The following RDX variants were observed in gnomAD, a reference collection of about 807,000 sequenced individuals.
RDX encodes the protein deafness, autosomal recessive 24.
In RDX, 32 loss-of-function variants were observed where a neutral mutation model predicts 83.7. That is an observed-to-expected ratio of 0.38 (90% CI 0.29 to 0.51). RDX has a LOEUF of 0.51. Ranked by LOEUF, RDX falls within the 20% of genes least tolerant of loss-of-function variation. RDX has a pLI of 0.87. For missense variants in RDX, 600 were observed against 689.9 expected, an observed-to-expected ratio of 0.87 and a Z score of 1.46; for synonymous variants, 229 against 222.7, an observed-to-expected ratio of 1.03 and a Z score of -0.25.
At chr11:110,216,603 C>T (rs1350129896) in intron 14 of RDX, among the ~76,000 whole-genome samples, 2 of 149,680 alleles carry the variant, frequency 1.3e-5, no homozygotes, top group South Asian at 2.1e-4. Flanking sequence ...GTCTCACATT[C>T]CTGGCGTCAA....
At chr11:110,270,100 T>TATGA (rs2134397808) in intron 3 of RDX, among the ~76,000 whole-genome samples, 1 of 152,200 alleles carries the variant, frequency 6.6e-6, no homozygotes, top group South Asian at 2.1e-4. Flanking sequence ...CCATTTACAA[T>TATGA]ATGAACTGTG....
At chr11:110,277,406 G>A (rs562636282) in intron 2 of RDX, among the ~76,000 whole-genome samples, 1 of 151,876 alleles carries the variant, frequency 6.6e-6, no homozygotes, top group Non-Finnish European at 1.5e-5. Flanking sequence ...TGCAACCTTC[G>A]CCTCCTGGAT....
intron 5 of RDX, among the ~76,000 whole-genome samples, chr11:110,262,925 G>T (rs1302703270): frequency 6.6e-6 from 1 of 152,142 alleles, no homozygotes; most frequent in Non-Finnish European, 1.5e-5. Context: ...CTGTAGATAA[G>T]AACAATGCAC....
chr11:110,268,376 C>A (rs1227678526), intron 3 of RDX, among the ~76,000 whole-genome samples: 1 of 150,288 alleles, frequency 6.7e-6, no homozygotes, highest in Non-Finnish European at 1.5e-5. Context: ...AAGTCTCATA[C>A]TGATAATGCA....
chr11:110,289,387 T>TA (rs1861119965), intron 1 of RDX, among the ~76,000 whole-genome samples: 1 of 152,184 alleles, frequency 6.6e-6, no homozygotes. Context: ...ATGATAACTG[T>TA]AATTACCATG....
At chr11:110,266,824 G>A (rs1465912473) in intron 3 of RDX, among the ~76,000 whole-genome samples, 2 of 152,104 alleles carry the variant, frequency 1.3e-5, no homozygotes, top group South Asian at 2.1e-4. Context: ...CTGGCCTCAA[G>A]TGATCCTCCC....
At chr11:110,267,196 G>A (rs1343700724) in intron 3 of RDX, among the ~76,000 whole-genome samples, 1 of 152,124 alleles carries the variant, frequency 6.6e-6, no homozygotes, top group Non-Finnish European at 1.5e-5. Context: ...GAGCCATCGT[G>A]CCCAGCCTGT....
At chr11:110,253,909 C>T (rs1280375835) in intron 9 of RDX, 37 bp downstream of exon 9, 2 of 1,593,978 alleles carry the variant, frequency 1.3e-6, no homozygotes, top group Non-Finnish European at 1.7e-6. Context: ...ATAGCCTACT[C>T]CTATCAATTA....
chr11:110,223,117 G>A (rs1284950492), intron 14 of RDX, among the ~76,000 whole-genome samples: 4 of 152,122 alleles, frequency 2.6e-5, no homozygotes, highest in East Asian at 1.9e-4. Context: ...TTGAGAGGCC[G>A]AGGGGGACCA....
intron 14 of RDX, among the ~76,000 whole-genome samples, chr11:110,205,867 C>T (rs2134246057): frequency 6.6e-6 from 1 of 152,284 alleles, no homozygotes; most frequent in East Asian, 1.9e-4. Context: ...TAGGTCTCTG[C>T]TGTAGAAATA....
intron 15 of RDX, among the ~76,000 whole-genome samples, chr11:110,186,839 AC>A (rs1469337356): frequency 6.6e-6 from 1 of 152,192 alleles, no homozygotes; most frequent in Non-Finnish European, 1.5e-5. Flanking sequence ...CCAGGCTCAT[AC>A]AAAGTCAGTC....
chr11:110,202,993 C>A (rs1486549392), intron 14 of RDX, among the ~76,000 whole-genome samples: 1 of 152,070 alleles, frequency 6.6e-6, no homozygotes, highest in East Asian at 1.9e-4. Context: ...TATGATCCAG[C>A]AACCCCACTA....
intron 14 of RDX, among the ~76,000 whole-genome samples, chr11:110,211,346 G>A (rs923483141): frequency 9.9e-5 from 15 of 151,956 alleles, no homozygotes; most frequent in Non-Finnish European, 2.1e-4. Flanking sequence ...AGTCGTGAGT[G>A]ACCTACAAAG....
intron 5 of RDX, chr11:110,263,483 G>C (rs1859883462): frequency 6.5e-6 from 1 of 153,854 alleles, no homozygotes. Flanking sequence ...GGTAATTACA[G>C]AGCATATAAA....
At chr11:110,254,178 A>C in intron 8 of RDX, 69 bp from the exon 9 acceptor site, 1 of 1,311,782 alleles carries the variant, frequency 7.6e-7, no homozygotes, top group East Asian at 2.4e-5. Context: ...ATCTGTACTA[A>C]ATTTTAACAT....
intron 14 of RDX, among the ~76,000 whole-genome samples, chr11:110,203,821 GA>G (rs577212942): frequency 9.2e-5 from 14 of 152,066 alleles, no homozygotes; most frequent in South Asian, 2.1e-4. Flanking sequence ...TATTTAAAAA[GA>G]AAAAACTCTT....
At chr11:110,245,395 C>G (rs1859065720) in intron 10 of RDX, among the ~76,000 whole-genome samples, 1 of 152,196 alleles carries the variant, frequency 6.6e-6, no homozygotes, top group Non-Finnish European at 1.5e-5. Flanking sequence ...ATCACACCCA[C>G]TGCACTCCAG....
intron 15 of RDX, among the ~76,000 whole-genome samples, chr11:110,192,951 A>T (rs1360765011): frequency 2.0e-5 from 3 of 152,226 alleles, no homozygotes; most frequent in East Asian, 1.9e-4. Context: ...TGTGGAAAGC[A>T]GTTTGGAGAT....
At chr11:110,245,747 A>T (rs1859081099) in intron 10 of RDX, among the ~76,000 whole-genome samples, 1 of 152,170 alleles carries the variant, frequency 6.6e-6, no homozygotes, top group Admixed American at 6.5e-5. Context: ...AGTAAAATGT[A>T]AACTCCAGGA....
Sources: allele counts gnomAD v4.1 joint callset (sites outside exome capture counted in the v4.1 genomes callset), GRCh38; gene constraint gnomAD v4.1.1; transcripts MANE v1.5; gene names NCBI Gene and HGNC (gene_info 2026-07-23, HGNC 2026-07-21).